MPDZ: variants seen among roughly 807,000 people sequenced by gnomAD.
MPDZ encodes multiple PDZ domain protein.
A neutral mutation model predicts 239.1 loss-of-function variants in MPDZ; 234 were observed. That is an observed-to-expected ratio of 0.98 (90% CI 0.88 to 1.09). The LOEUF is 1.09. Among genes scored for constraint, MPDZ ranks in the 50% least tolerant of loss-of-function variants. The pLI is 0.00. For synonymous variants in MPDZ, 1,048 were observed against 881.3 expected, an observed-to-expected ratio of 1.19 and a Z score of -3.35; for missense variants, 3,175 against 2,510.0, an observed-to-expected ratio of 1.26 and a Z score of -5.66.
chr9:13,189,455 A>G (rs974040149), intron 16 of MPDZ, among the ~76,000 whole-genome samples: 3 of 152,070 alleles, frequency 2.0e-5, no homozygotes, highest in Admixed American at 6.6e-5. Context: ...GCAAGGCCAT[A>G]AAGTATGTGG....
At chr9:13,202,985 A>G (rs1173704187) in intron 12 of MPDZ, among the ~76,000 whole-genome samples, 1 of 152,146 alleles carries the variant, frequency 6.6e-6, no homozygotes, top group Non-Finnish European at 1.5e-5. Context: ...AATTTACTGC[A>G]TATTTTCAAA....
intron 3 of MPDZ, among the ~76,000 whole-genome samples, chr9:13,244,200 C>T (rs1251270488): frequency 1.3e-5 from 2 of 152,140 alleles, no homozygotes; most frequent in Non-Finnish European, 2.9e-5. Flanking sequence ...TAGCATCCAC[C>T]TATACTGGAC....
At position 13,222,464 on chromosome 9, in the gene MPDZ, G is replaced by A. The variant is rs767415026; in HGVS notation, c.534-18C>T. On this transcript the variant is annotated intron_variant, in intron 5 of 46. Coordinates refer to ENST00000319217, the MANE Select transcript of MPDZ (RefSeq NM_001378778.1). ...TTCCATCTCTATCAAGGATGCAAAA[G>A]GGGATAAAAGACAATCTGAGAGTTC... is the stretch of plus-strand genomic sequence containing the variant. 1 of 1,586,900 alleles carries A rather than the reference G, an allele frequency of 6.3e-7. No homozygotes were observed. The highest frequency in any genetic ancestry group is 8.6e-7 in the Non-Finnish European group (1 of 1,157,436).
chr9:13,172,108 C>A (rs570542808), intron 21 of MPDZ, among the ~76,000 whole-genome samples: 1 of 152,276 alleles, frequency 6.6e-6, no homozygotes, highest in Non-Finnish European at 1.5e-5. Flanking sequence ...GAAATCTGAA[C>A]ATTTAGCATC....
intron 1 of MPDZ, among the ~76,000 whole-genome samples, chr9:13,253,603 C>A (rs2138229678): frequency 6.6e-6 from 1 of 152,266 alleles, no homozygotes. Flanking sequence ...CATATGGAAA[C>A]TTAAGGATAC....
At chr9:13,247,371 C>A (rs916365317) in intron 3 of MPDZ, among the ~76,000 whole-genome samples, 1 of 152,058 alleles carries the variant, frequency 6.6e-6, no homozygotes, top group Non-Finnish European at 1.5e-5. Context: ...TTTTATCATC[C>A]GTTTTTCCTG....
At chr9:13,265,000 G>T (rs1175667694) in intron 1 of MPDZ, among the ~76,000 whole-genome samples, 1 of 152,188 alleles carries the variant, frequency 6.6e-6, no homozygotes, top group South Asian at 2.1e-4. Flanking sequence ...CATAGAACCA[G>T]GCAGGGGGAT....
chr9:13,130,723 ATAAGT>A (rs1230919785), intron 32 of MPDZ, among the ~76,000 whole-genome samples: 5 of 152,252 alleles, frequency 3.3e-5, no homozygotes, highest in Admixed American at 6.5e-5. Context: ...TAGGATTTAT[ATAAGT>A]TAAAAGAAAT....
chr9:13,273,021 T>TAAAA (rs1172344589), intron 1 of MPDZ, among the ~76,000 whole-genome samples: 1 of 152,096 alleles, frequency 6.6e-6, no homozygotes, highest in Non-Finnish European at 1.5e-5. Flanking sequence ...ATGAATGGGA[T>TAAAA]TAGTGCCCTT....
rs1942752972 is a variant in MPDZ, at chr9:13,113,007, TTA to T, written c.5601+2_5601+3del. ...GTTTATATTGTTTTCTCTCCCCAAG[TTA>T]CCTTTTTCATTTCGACTGTTCTTAA... On this transcript the variant is annotated splice_donor_variant and splice_donor_region_variant and intron_variant, in intron 42 of 46. Coordinates refer to ENST00000319217, the MANE Select transcript of MPDZ (RefSeq NM_001378778.1). LOFTEE classifies it high-confidence loss of function. The T allele has an allele frequency of 3.2e-6, 5 of 1,582,616 alleles. No individual in the cohort carries two copies. In the Admixed American group the frequency reaches 9.0e-5, roughly 28 times the overall value.
rs545915731 is a variant in MPDZ, at chr9:13,275,956, A to C, written c.-58+3444T>G. Among the ~76,000 whole-genome samples, 3 of 152,288 alleles carry C rather than the reference A, an allele frequency of 2.0e-5. No homozygotes were observed. In the South Asian group the frequency reaches 6.2e-4, roughly 32 times the overall value. The stretch of plus-strand genomic sequence containing the variant: ...AAAAAACTTTCATTTCCACCCTCTC[A>C]TCTCAAGACCAAAGCCTTTCTGTGT... On this transcript the variant is annotated intron_variant, in intron 1 of 46. Transcript: ENST00000319217.
chr9:13,205,771 C>T (rs991506226), intron 11 of MPDZ, 145 bp downstream of exon 11: 28 of 689,380 alleles, frequency 4.1e-5, no homozygotes, highest in Admixed American at 2.4e-4. Flanking sequence ...CTTCTTTACT[C>T]GCCTTGGTTT....
rs753075671 is a variant in MPDZ at position 13,176,187 on chromosome 9, T to C, written c.2880A>G (p.Glu960=). 4.4e-6 allele frequency: 7 copies of C among 1,604,122 alleles called. No homozygotes were observed. The South Asian group carries it at 7.8e-5, about 18-fold the overall frequency. The change falls in exon 20 of 47, where the codon GAA becomes GAG. Residue 960 remains glutamate (E), a synonymous_variant. Coordinates refer to ENST00000319217, the MANE Select transcript of MPDZ (RefSeq NM_001378778.1). ...AAGGAAGTTCTGCACTTGATATAAC[T>C]TCACTTGGTAAATGAGATTCAGTCC... The part of the protein sequence containing the change: ...IVWTESHLPS[E]VISSAELPSV...
At chr9:13,165,517 C>T (rs1332711425) in intron 22 of MPDZ, 2 of 1,381,622 alleles carry the variant, frequency 1.4e-6, no homozygotes, top group Admixed American at 2.3e-5. Context: ...AGTGGGTGCT[C>T]CTGGTTGTTT....
At chr9:13,186,943 A>AC (rs1195724302) in intron 17 of MPDZ, among the ~76,000 whole-genome samples, 1 of 152,174 alleles carries the variant, frequency 6.6e-6, no homozygotes, top group Non-Finnish European at 1.5e-5. Context: ...AAACAAAACG[A>AC]AACAAAAACC....
intron 32 of MPDZ, among the ~76,000 whole-genome samples, chr9:13,133,021 C>T (rs916316761): frequency 1.3e-5 from 2 of 152,040 alleles, no homozygotes; most frequent in African/African-American, 4.8e-5. Flanking sequence ...TAATTTTGGA[C>T]TTTTCTAAAG....
At chr9:13,147,425 C>G in intron 26 of MPDZ, 123 bp downstream of exon 26, 1 of 679,058 alleles carries the variant, frequency 1.5e-6, no homozygotes, top group African/African-American at 1.8e-5. Flanking sequence ...AAACTTCTAA[C>G]AAGTCTCCTG....
intron 12 of MPDZ, among the ~76,000 whole-genome samples, chr9:13,197,451 T>C (rs906019637): frequency 6.6e-6 from 1 of 152,102 alleles, no homozygotes; most frequent in African/African-American, 2.4e-5. Flanking sequence ...GTGACTATGA[T>C]TAACTATATT....
Position 13,147,566 on chromosome 9 carries a change from G to T in MPDZ, c.3723C>A (p.Ser1241Arg). 6.2e-7 allele frequency: 1 copy of T among 1,611,848 alleles called. No homozygotes were observed. Among genetic ancestry groups the T allele is most frequent in the Admixed American group, 1.7e-5 (1 of 59,868 alleles). ...CGCTTACCCTTGGTCTGTTTATAAT[G>T]CTCTGTACCATAAAGACTACAGGGT... ...AGNPVVFMVQ[S>R]IINRPRKSPL... Residue 1241 changes from serine to arginine, a missense_variant, in exon 26 of 47, where the codon AGC becomes AGA. By Grantham distance (110) the Ser-to-Arg change is moderately radical. Coordinates refer to ENST00000319217, the MANE Select transcript of MPDZ (RefSeq NM_001378778.1).
Sources: allele counts gnomAD v4.1 joint callset (sites outside exome capture counted in the v4.1 genomes callset), GRCh38; gene constraint gnomAD v4.1.1; transcripts MANE v1.5; gene names NCBI Gene and HGNC (gene_info 2026-07-23, HGNC 2026-07-21).